NLRP1: variants seen among roughly 807,000 people sequenced by gnomAD.
The protein encoded by NLRP1 is NLR family pyrin domain containing 1, also known as NACHT, LRR and PYD domains-containing protein 1.
Under a neutral mutation model 136.7 loss-of-function variants are expected in NLRP1, and 94 were observed. The ratio of observed to expected loss-of-function variants is 0.69; its 90% confidence interval spans 0.58 to 0.82. The LOEUF (loss-of-function observed/expected upper bound fraction) is 0.82, where lower values mean the gene tolerates loss of function less well. Among genes scored for constraint, NLRP1 ranks in the 40% least tolerant of loss-of-function variants. The pLI is 0.00. For missense variants in NLRP1, 1,575 were observed against 1,802.7 expected (o/e 0.87, Z 2.29); for synonymous variants, 690 against 725.1 (o/e 0.95, Z 0.78).
At position 5,537,324 on chromosome 17, in the gene NLRP1, T is replaced by C. The variant is rs11657416; in HGVS notation, c.2871-384A>G. Among the ~76,000 whole-genome samples the C allele has an allele frequency of 0.047, 7,196 of 152,238 alleles. 194 individuals are homozygous for C. The highest frequency in any genetic ancestry group is 0.088 in the Middle Eastern group (26 of 294). ...GAAGGAGATGTGGCCTTGGGTGAGG[T>C]GGCTCTCACTGGCAGAGGCTGTCTC... On this transcript the variant is annotated intron_variant, in intron 7 of 16. Coordinates refer to ENST00000572272, the MANE Select transcript of NLRP1 (RefSeq NM_033004.4). The surrounding 1 kb of genome is among the most constrained non-coding windows in gnomAD (Gnocchi z 4.5).
At chr17:5,545,082 C>T (rs1192650409) in intron 5 of NLRP1, among the ~76,000 whole-genome samples, 1 of 152,174 alleles carries the variant, frequency 6.6e-6, no homozygotes, top group African/African-American at 2.4e-5. Context: ...TACTTTTCCC[C>T]TTTGTTTTTC....
intron 13 of NLRP1, 124 bp from the exon 14 acceptor site, chr17:5,521,136 C>T: frequency 2.1e-6 from 2 of 946,816 alleles, no homozygotes; most frequent in Non-Finnish European, 3.1e-6. Context: ...CCCTGCCTCC[C>T]TCCCCCCATG....
chr17:5,515,494 G>C lies in NLRP1; in HGVS notation c.4081C>G (p.Leu1361Val), dbSNP rs779490855. Residue 1361 changes from leucine to valine, a missense_variant, in exon 16 of 17, where the codon CTG becomes GTG. Physicochemically the swap from Leu to Val is conservative, Grantham distance 32. Transcript: ENST00000572272. ...TGACCTATGCGGGCTGGAGGGATCA[G>C]AGTAGTTGCAGGCATGAGATCTCCT... Reference protein sequence around the residue: ...KPGDLMPATTLIPPARIAVPS... With the variant: ...KPGDLMPATTVIPPARIAVPS... 3 of 1,613,662 alleles carry C rather than the reference G, an allele frequency of 1.9e-6. No individual in the cohort carries two copies. Among genetic ancestry groups the C allele is most frequent in the South Asian group, 2.2e-5 (2 of 91,062 alleles).
intron 15 of NLRP1, among the ~76,000 whole-genome samples, chr17:5,508,174 T>C (rs570493259): frequency 2.6e-5 from 4 of 151,034 alleles, no homozygotes; most frequent in Admixed American, 6.6e-5. Flanking sequence ...GGTGTGCACC[T>C]GTAATCCCAG....
chr17:5,583,537 G>T lies in NLRP1; in HGVS notation c.271+150C>A. On this transcript the variant is annotated intron_variant, in intron 1 of 16. Transcript: ENST00000572272. This position sits in a 1 kb window ranked among gnomAD's most constrained non-coding sequence, Gnocchi z 4.5. ...GCCTCCTGGCTCCAGCATAGTCTGG[G>T]GCCTGGATCCCCCTTTGAGAGGGCA... 1 of 816,748 alleles carries T rather than the reference G, an allele frequency of 1.2e-6. No individual in the cohort carries two copies. The highest frequency in any genetic ancestry group is 1.9e-6 in the Non-Finnish European group (1 of 533,222). 50.6% of individuals were successfully genotyped at this position (816,748 alleles called of 1,614,324 possible).
At chr17:5,522,155 G>A (rs1597398296) in intron 12 of NLRP1, among the ~76,000 whole-genome samples, 1 of 152,244 alleles carries the variant, frequency 6.6e-6, no homozygotes, top group East Asian at 1.9e-4. Context: ...TTGTTACTGA[G>A]TCAGGATTTG....
At chr17:5,581,169 G>T (rs193003804) in intron 3 of NLRP1, among the ~76,000 whole-genome samples, 177 of 152,326 alleles carry the variant, frequency 1.2e-3, no homozygotes, top group Middle Eastern at 3.4e-3. Flanking sequence ...GAGGCAGCAT[G>T]GTTCAGTGGT....
At chr17:5,521,334 G>A (rs1908871444) in intron 13 of NLRP1, among the ~76,000 whole-genome samples, 190 bp downstream of exon 13, 1 of 152,180 alleles carries the variant, frequency 6.6e-6, no homozygotes, top group African/African-American at 2.4e-5. Flanking sequence ...ACCTAGCAGG[G>A]GGATACCTTG....
rs759679678 is a variant in NLRP1, at chr17:5,533,894, T to C, written c.3052+3A>G. 6.3e-5 allele frequency: 101 copies of C among 1,602,564 alleles called. No individual in the cohort carries two copies. The highest frequency in any genetic ancestry group is 8.5e-5 in the Non-Finnish European group (100 of 1,171,676). Reference sequence around the variant, plus strand: ...TGCTCCCAGCCTTGCCCCTTCAAACTACCTGATCCGAGTCTCTGCCGCTTG... The same window carrying C: ...TGCTCCCAGCCTTGCCCCTTCAAACCACCTGATCCGAGTCTCTGCCGCTTG... On this transcript the variant is annotated splice_donor_region_variant and intron_variant, in intron 9 of 16. Coordinates refer to ENST00000572272, the MANE Select transcript of NLRP1 (RefSeq NM_033004.4).
At chr17:5,574,351 G>A (rs896465579) in intron 3 of NLRP1, among the ~76,000 whole-genome samples, 5 of 152,314 alleles carry the variant, frequency 3.3e-5, no homozygotes, top group Non-Finnish European at 5.9e-5. Context: ...TGAAAGTGAC[G>A]GGGAGAATGG....
chr17:5,545,886 G>GC (rs1912602343), intron 5 of NLRP1, among the ~76,000 whole-genome samples: 1 of 152,174 alleles, frequency 6.6e-6, no homozygotes, highest in African/African-American at 2.4e-5. Context: ...GCATGTTCCT[G>GC]CCCCCAGGAC....
rs530602100 is a variant in NLRP1 at position 5,540,764 on chromosome 17, T to C, written c.2699+1093A>G. On this transcript the variant is annotated intron_variant, in intron 6 of 16. Coordinates refer to ENST00000572272, the MANE Select transcript of NLRP1 (RefSeq NM_033004.4). ...GGATCCTCGTTGTCTCCCCTTCCCA[T>C]GCCCCCTTCCCATCAACTCTTGATC... 3.2e-4 allele frequency among the ~76,000 whole-genome samples: 49 copies of C among 152,264 alleles called. 1 individual carries two copies. Among genetic ancestry groups the C allele is most frequent in the African/African-American group, 1.1e-3 (46 of 41,568 alleles).
intron 5 of NLRP1, among the ~76,000 whole-genome samples, chr17:5,544,567 G>C (rs1182679882): frequency 2.0e-5 from 3 of 152,214 alleles, no homozygotes; most frequent in Non-Finnish European, 4.4e-5. Flanking sequence ...GAGCACCTTT[G>C]AGGGTCTGGA....
In NLRP1 at chr17:5,582,861, C is replaced by CA. The variant is rs1905847111; in HGVS notation, c.272-16dup. On this transcript the variant is annotated splice_polypyrimidine_tract_variant and intron_variant, in intron 1 of 16. Coordinates refer to ENST00000572272, the MANE Select transcript of NLRP1 (RefSeq NM_033004.4). ...GGGAGAGTGGCCTACAGGAAAGAGA[C>CA]AAAGAGGTTGGAGACACATCAGAGG... The CA allele has an allele frequency of 6.3e-7, 1 of 1,590,000 alleles. No homozygotes were observed. Among genetic ancestry groups the CA allele is most frequent in the Non-Finnish European group, 8.6e-7 (1 of 1,167,526 alleles).
chr17:5,545,499 GACAC>G (rs34766471), intron 5 of NLRP1, among the ~76,000 whole-genome samples: 7 of 133,278 alleles, frequency 5.3e-5, no homozygotes, highest in Non-Finnish European at 9.8e-5. Context: ...CAGACACACA[GACAC>G]ACACACACAT....
chr17:5,520,824 T>G, intron 14 of NLRP1, 57 bp downstream of exon 14: 1 of 1,461,318 alleles, frequency 6.8e-7, no homozygotes, highest in South Asian at 1.4e-5. Flanking sequence ...CCCACAGGCA[T>G]TCATTCCCAG....
chr17:5,522,926 G>C (rs1395456123), intron 12 of NLRP1, among the ~76,000 whole-genome samples: 1 of 152,154 alleles, frequency 6.6e-6, no homozygotes, highest in Non-Finnish European at 1.5e-5. Flanking sequence ...TTTTTAGGAA[G>C]AGCCTCCTCC....
downstream of NLRP1, chr17:5,512,536 A>G: frequency 1.7e-6 from 1 of 585,506 alleles, no homozygotes; most frequent in South Asian, 1.8e-5. Context: ...GTCCTCTTGG[A>G]GGAAGGGTTG....
intron 15 of NLRP1, among the ~76,000 whole-genome samples, chr17:5,507,566 A>G (rs1907406246): frequency 6.6e-6 from 1 of 152,118 alleles, no homozygotes; most frequent in Non-Finnish European, 1.5e-5. Context: ...GTTGTGGCTC[A>G]CGCCTGTAAT....
Sources: gnomAD v4.1 joint callset for allele counts (sites outside exome capture counted in the v4.1 genomes callset) on GRCh38, gnomAD v4.1.1 for gene constraint, Gnocchi (gnomAD v3.1) non-coding constraint, MANE v1.5 for transcripts, NCBI Gene and HGNC (gene_info 2026-07-23, HGNC 2026-07-21) for gene names.